Variants in CPSF6 observed in about 807,000 individuals in gnomAD.
The protein encoded by CPSF6 is cleavage and polyadenylation specific factor 6.
CPSF6 carries 10 observed loss-of-function variants against 56.7 expected under a neutral mutation model. The observed-to-expected ratio is 0.18, with a 90% CI of 0.11 to 0.30. CPSF6 has a LOEUF of 0.30. Among genes scored for constraint, CPSF6 ranks in the 10% least tolerant of loss-of-function variants. The probability of loss-of-function intolerance (pLI) is 1.00; values close to 1 mark genes in which losing one functional copy is unlikely to be tolerated. For missense variants in CPSF6, 419 were observed against 722.9 expected, an observed-to-expected ratio of 0.58 and a Z score of 4.82; for synonymous variants, 248 against 244.8, an observed-to-expected ratio of 1.01 and a Z score of -0.12.
chr12:69,253,794 G>C (rs1872368767), intron 3 of CPSF6, among the ~76,000 whole-genome samples: 1 of 151,958 alleles, frequency 6.6e-6, no homozygotes, highest in Non-Finnish European at 1.5e-5. Context: ...CATCATACCT[G>C]GTATGCTACT....
intron 1 of CPSF6, among the ~76,000 whole-genome samples, chr12:69,242,214 T>A (rs899804403): frequency 6.8e-6 from 1 of 146,722 alleles, no homozygotes; most frequent in Admixed American, 6.8e-5. Flanking sequence ...AAAAAAAAAA[T>A]CTTTGTTTTC....
chr12:69,241,470 C>T (rs564436680), intron 1 of CPSF6, among the ~76,000 whole-genome samples: 7 of 152,286 alleles, frequency 4.6e-5, no homozygotes, highest in African/African-American at 1.4e-4. Flanking sequence ...CAAGATAATA[C>T]ATTGGTTCAC....
At chr12:69,268,757 TTATTC>T (rs1349488203) in intron 9 of CPSF6, among the ~76,000 whole-genome samples, 5 of 151,796 alleles carry the variant, frequency 3.3e-5, no homozygotes, top group African/African-American at 4.8e-5. Context: ...TTTATCAACT[TTATTC>T]TATTTTTTTT....
chr12:69,259,940 C>T (rs1872675119), intron 7 of CPSF6, 104 bp from the exon 8 acceptor site: 8 of 1,154,736 alleles, frequency 6.9e-6, no homozygotes, highest in Non-Finnish European at 9.9e-6. Context: ...TATTTTATAG[C>T]ACAGTACTTT....
At position 69,269,895 on chromosome 12, in the gene CPSF6, T is replaced by G. The variant is rs1469068760; in HGVS notation, c.*387T>G. The G allele has an allele frequency of 5.9e-6, 1 of 169,910 alleles. No homozygotes were observed. The highest frequency in any genetic ancestry group is 1.3e-5 in the Non-Finnish European group (1 of 78,702). 10.5% of individuals were successfully genotyped at this position (169,910 alleles called of 1,614,324 possible). A position where few individuals can be genotyped will look rare whatever the true frequency, so the allele number is the denominator to read the frequency against. On this transcript the variant is annotated 3_prime_UTR_variant, in exon 10 of 10. Coordinates refer to ENST00000435070, the MANE Select transcript of CPSF6 (RefSeq NM_007007.3). ...TGATAATGTCTGTAAACAGCATCAC[T>G]TTGATTACAATAGATGTAGTGTTGT... is the stretch of plus-strand genomic sequence containing the variant.
intron 9 of CPSF6, among the ~76,000 whole-genome samples, chr12:69,265,898 G>A (rs12305999): frequency 0.14 from 21,371 of 151,620 alleles, 1,592 homozygotes; most frequent in Non-Finnish European, 0.16. Context: ...GAGCCACCGC[G>A]CCCAGTCTAG....
At chr12:69,243,172 G>A (rs1455567546) in intron 1 of CPSF6, among the ~76,000 whole-genome samples, 1 of 152,172 alleles carries the variant, frequency 6.6e-6, no homozygotes, top group Admixed American at 6.5e-5. Flanking sequence ...CAAAGTTTAG[G>A]TAGTCTCTAC....
rs371650556 is a variant in CPSF6 at position 69,257,946 on chromosome 12, C to T, written c.694+41C>T. ...AATTACCATGGATAAAACATGTCTA[C>T]CTAATACCTCTTTTCCTTTTCTCTC... is the stretch of plus-strand genomic sequence containing the variant. On this transcript the variant is annotated intron_variant, in intron 5 of 9. Coordinates refer to ENST00000435070, the MANE Select transcript of CPSF6 (RefSeq NM_007007.3). 10 of 1,590,898 alleles carry T rather than the reference C, an allele frequency of 6.3e-6. No individual in the cohort carries two copies. The Admixed American group carries it at 1.0e-4, about 17-fold the overall frequency.
intron 1 of CPSF6, among the ~76,000 whole-genome samples, chr12:69,248,158 A>G (rs1167766351): frequency 6.6e-6 from 1 of 152,240 alleles, no homozygotes; most frequent in Non-Finnish European, 1.5e-5. Context: ...ATACCAGGTT[A>G]GTGTAGCTGC....
At chr12:69,247,658 T>A (rs1411044030) in intron 1 of CPSF6, among the ~76,000 whole-genome samples, 1 of 152,230 alleles carries the variant, frequency 6.6e-6, no homozygotes, top group Non-Finnish European at 1.5e-5. Context: ...TTTATTTATA[T>A]ATGACCTGTG....
chr12:69,267,794 T>G (rs1873062957), intron 9 of CPSF6, among the ~76,000 whole-genome samples: 1 of 151,888 alleles, frequency 6.6e-6, no homozygotes, highest in East Asian at 1.9e-4. Flanking sequence ...AGAAAAGATC[T>G]ATCTATAAAG....
intron 9 of CPSF6, among the ~76,000 whole-genome samples, chr12:69,267,425 ATC>A (rs1038771544): frequency 6.6e-6 from 1 of 151,982 alleles, no homozygotes; most frequent in Non-Finnish European, 1.5e-5. Flanking sequence ...TTGTTTTAAC[ATC>A]TGTTTACATA....
chr12:69,259,107 GTA>G lies in CPSF6; in HGVS notation c.1199+15_1199+16del, dbSNP rs781521445. 1 of 1,589,748 alleles carries G rather than the reference GTA, an allele frequency of 6.3e-7. No individual in the cohort carries two copies. The highest frequency in any genetic ancestry group is 1.1e-5 in the South Asian group (1 of 89,988). On this transcript the variant is annotated intron_variant, in intron 6 of 9. Transcript: ENST00000435070. ...GCCCCCCTGGAAGGTAAGTTAGTGTGTATCTGTGAAAGTACTTGATGATAAAA... is the reference window on the plus strand; with the variant it reads ...GCCCCCCTGGAAGGTAAGTTAGTGTGTCTGTGAAAGTACTTGATGATAAAA...
In CPSF6 at chr12:69,273,973, A is replaced by G. The variant is rs1873381399; in HGVS notation, c.*4465A>G. The G allele has an allele frequency of 6.6e-6, 1 of 151,996 alleles. No homozygotes were observed. The highest frequency in any genetic ancestry group is 2.4e-5 in the African/African-American group (1 of 41,444). 9.4% of individuals were successfully genotyped at this position (151,996 alleles called of 1,614,324 possible). A position where few individuals can be genotyped will look rare whatever the true frequency, so the allele number is the denominator to read the frequency against. On this transcript the variant is annotated 3_prime_UTR_variant, in exon 10 of 10. Coordinates refer to ENST00000435070, the MANE Select transcript of CPSF6 (RefSeq NM_007007.3). Reference sequence around the variant, plus strand: ...ATCATTTTACCAATATCCACGAATTACTGATCACAGTTTGTAAATAATTTG... The same window carrying G: ...ATCATTTTACCAATATCCACGAATTGCTGATCACAGTTTGTAAATAATTTG...
chr12:69,258,677 C>T lies in CPSF6; in HGVS notation c.782C>T (p.Pro261Leu). 2 of 1,614,070 alleles carry T rather than the reference C, an allele frequency of 1.2e-6. No individual in the cohort carries two copies. Among genetic ancestry groups the T allele is most frequent in the East Asian group, 4.5e-5 (2 of 44,878 alleles). ...GPPPPGQVLP[P>L]PLAGPPNRGD... is the part of the protein sequence containing the mutation. ...CCACCTCCTGGTCAGGTTCTGCCTCCTCCTCTAGCTGGGCCTCCTAATCGA... is the reference window on the plus strand; with the variant it reads ...CCACCTCCTGGTCAGGTTCTGCCTCTTCCTCTAGCTGGGCCTCCTAATCGA... Residue 261 changes from proline (P) to leucine (L), a missense_variant, in exon 6 of 10, where the codon CCT (proline) becomes CTT (leucine). Around this residue, in one of 4 missense-constraint regions of CPSF6, gnomAD observed 211 missense variants for 296.0 expected, o/e 0.71. Transcript: ENST00000435070. This position sits in a 1 kb window ranked among gnomAD's most constrained non-coding sequence, Gnocchi z 4.2.
In CPSF6 at chr12:69,253,037, A is replaced by G. The variant is rs546977069; in HGVS notation, c.271-14A>G. The G allele has an allele frequency of 7.0e-6, 10 of 1,437,060 alleles. No homozygotes were observed. The highest frequency in any genetic ancestry group is 1.5e-5 in the African/African-American group (1 of 68,822). The allele number at this position is 1,437,060 out of a possible 1,614,324, so 89.0% of individuals were successfully genotyped here. On this transcript the variant is annotated splice_polypyrimidine_tract_variant and intron_variant, in intron 2 of 9. Coordinates refer to ENST00000435070, the MANE Select transcript of CPSF6 (RefSeq NM_007007.3). Reference sequence around the variant, plus strand: ...TTTATTTTAATGGTTAATGAGGGGGAAAATATCTTGCAGTGGACAACAGAT... The same window carrying G: ...TTTATTTTAATGGTTAATGAGGGGGGAAATATCTTGCAGTGGACAACAGAT...
Position 69,259,009 on chromosome 12 carries a change from A to T in CPSF6, c.1114A>T (p.Thr372Ser). The change falls in exon 6 of 10, where the codon ACA (threonine) becomes TCA (serine). Residue 372 changes from threonine (T) to serine (S), a missense_variant. Physicochemically the swap from Thr to Ser is moderately conservative, Grantham distance 58. Coordinates refer to ENST00000435070, the MANE Select transcript of CPSF6 (RefSeq NM_007007.3). ...TCCACCAACTAACAGTGGCATGCCT[A>T]CATCAGATAGCCGAGGTCCACCACC... is the stretch of plus-strand genomic sequence containing the variant. ...FPPPTNSGMP[T>S]SDSRGPPPTD... The T allele has an allele frequency of 6.2e-7, 1 of 1,611,316 alleles. No homozygotes were observed. The highest frequency in any genetic ancestry group is 8.5e-7 in the Non-Finnish European group (1 of 1,180,014).
chr12:69,239,579 C>G lies in CPSF6; in HGVS notation c.-68C>G. ...CGCCCCCCCACCGCCGCTAGATCCG[C>G]TGCTGCTGCCGCGGCGGGCAGACCT... On this transcript the variant is annotated 5_prime_UTR_variant, in exon 1 of 10. Transcript: ENST00000435070. 1 of 1,516,124 alleles carries G rather than the reference C, an allele frequency of 6.6e-7. No individual in the cohort carries two copies. Among genetic ancestry groups the G allele is most frequent in the African/African-American group, 1.4e-5 (1 of 69,210 alleles). The allele number at this position is 1,516,124 out of a possible 1,614,324, so 93.9% of individuals were successfully genotyped here.
In CPSF6 at chr12:69,260,015, G is replaced by T. The variant is rs1232539208; in HGVS notation, c.1316-29G>T. On this transcript the variant is annotated intron_variant, in intron 7 of 9. Transcript: ENST00000435070. Reference sequence around the variant, plus strand: ...GGTGTTTTGAAAACAAAATTTGTTTGACTTCAAACCCTTTCCTTTCCCTCA... The same window carrying T: ...GGTGTTTTGAAAACAAAATTTGTTTTACTTCAAACCCTTTCCTTTCCCTCA... 2.5e-6 allele frequency: 4 copies of T among 1,600,830 alleles called. No homozygotes were observed. The South Asian group carries it at 4.5e-5, about 18-fold the overall frequency.
Sources: gnomAD v4.1 joint callset for allele counts (sites outside exome capture counted in the v4.1 genomes callset) on GRCh38, gnomAD v4.1.1 for gene constraint, gnomAD v4.1.1 regional missense constraint, Gnocchi (gnomAD v3.1) non-coding constraint, MANE v1.5 for transcripts, NCBI Gene and HGNC (gene_info 2026-07-23, HGNC 2026-07-21) for gene names.